ZNRF3: variants seen among roughly 807,000 people sequenced by gnomAD.
ZNRF3 encodes the protein zinc and ring finger 3.
Under a neutral mutation model 72.5 loss-of-function variants are expected in ZNRF3, and 23 were observed. That is an observed-to-expected ratio of 0.32 (90% confidence interval 0.23 to 0.45). The LOEUF (loss-of-function observed/expected upper bound fraction) is 0.45, where lower values mean the gene tolerates loss of function less well. ZNRF3 is among the 20% of genes least tolerant of loss of function. ZNRF3 has a pLI of 1.00. For missense variants in ZNRF3, 1,169 were observed against 1,272.1 expected (o/e 0.92, Z 1.23); for synonymous variants, 610 against 545.3 (o/e 1.12, Z -1.65).
chr22:29,007,312 C>A (rs2036269384), intron 2 of ZNRF3, among the ~76,000 whole-genome samples: 1 of 152,154 alleles, frequency 6.6e-6, no homozygotes, highest in African/African-American at 2.4e-5. Context: ...TACTTGGGAA[C>A]CTAATAAGTG....
intron 2 of ZNRF3, among the ~76,000 whole-genome samples, chr22:29,006,909 A>G (rs555488712): frequency 1.6e-4 from 24 of 152,334 alleles, no homozygotes; most frequent in African/African-American, 5.5e-4. Flanking sequence ...CTGTTAGAAC[A>G]TGCATACACA....
Position 28,987,172 on chromosome 22 carries a change from C to T in ZNRF3, c.397C>T (p.Pro133Ser), listed in dbSNP as rs770212398. The change falls in exon 2 of 9, where the codon CCG becomes TCG. Residue 133 changes from proline (P) to serine (S), a missense_variant. Physicochemically the swap from Pro to Ser is moderately conservative, Grantham distance 74. Coordinates refer to ENST00000544604, the MANE Select transcript of ZNRF3 (RefSeq NM_001206998.2). ...GAAGCTGGAACAGCCAGAATTGGACCCGAAACCATGCCTCACTGTCCTAGG... is the reference window on the plus strand; with the variant it reads ...GAAGCTGGAACAGCCAGAATTGGACTCGAAACCATGCCTCACTGTCCTAGG... Reference protein sequence around the residue: ...VVKLEQPELDPKPCLTVLGKA... With the variant: ...VVKLEQPELDSKPCLTVLGKA... The T allele has an allele frequency of 6.2e-7, 1 of 1,613,708 alleles. No individual in the cohort carries two copies. The highest frequency in any genetic ancestry group is 8.5e-7 in the Non-Finnish European group (1 of 1,179,860).
chr22:29,006,170 T>A (rs1490891430), intron 2 of ZNRF3, among the ~76,000 whole-genome samples: 1 of 151,826 alleles, frequency 6.6e-6, no homozygotes, highest in African/African-American at 2.4e-5. Context: ...AAATTGGACA[T>A]TTCTCCAGTA....
intron 1 of ZNRF3, 42 bp from the exon 2 acceptor site, chr22:28,987,034 G>C (rs1265928540): frequency 6.3e-7 from 1 of 1,589,714 alleles, no homozygotes; most frequent in Admixed American, 1.8e-5. Context: ...AAGCAAATGT[G>C]TAGCTTGCCT....
At chr22:28,929,835 T>G (rs751198002) in intron 1 of ZNRF3, among the ~76,000 whole-genome samples, 25 of 152,232 alleles carry the variant, frequency 1.6e-4, no homozygotes, top group Non-Finnish European at 3.4e-4. Flanking sequence ...AGAATCATCT[T>G]AAGTTTTAAT....
intron 1 of ZNRF3, among the ~76,000 whole-genome samples, chr22:28,980,740 T>C (rs964258183): frequency 1.3e-5 from 2 of 152,216 alleles, no homozygotes; most frequent in African/African-American, 2.4e-5. Flanking sequence ...AGTTCTTCTG[T>C]GAATCTGCCC....
At chr22:28,918,549 TG>T in intron 1 of ZNRF3, among the ~76,000 whole-genome samples, 1 of 104,456 alleles carries the variant, frequency 9.6e-6, no homozygotes, top group Non-Finnish European at 2.1e-5. Flanking sequence ...TGTGTGTGTG[TG>T]TGTGTGTGTG....
chr22:28,986,392 C>T (rs1231172785), intron 1 of ZNRF3, among the ~76,000 whole-genome samples: 1 of 152,184 alleles, frequency 6.6e-6, no homozygotes, highest in African/African-American at 2.4e-5. Flanking sequence ...GGCCTGGTAC[C>T]ACTCAGTGAT....
At chr22:28,947,960 T>G (rs2035083453) in intron 1 of ZNRF3, among the ~76,000 whole-genome samples, 1 of 152,128 alleles carries the variant, frequency 6.6e-6, no homozygotes, top group Non-Finnish European at 1.5e-5. Context: ...TTCTCCTGCC[T>G]CAGCCTACCA....
At position 29,050,345 on chromosome 22, in the gene ZNRF3, G is replaced by A. The variant is rs2123888648; in HGVS notation, c.2164G>A (p.Gly722Arg). 3 of 1,602,880 alleles carry A rather than the reference G, an allele frequency of 1.9e-6. No homozygotes were observed. The highest frequency in any genetic ancestry group is 1.1e-5 in the South Asian group (1 of 90,772). ...CTGCGAGCCCCAGCCCTCCCCAGCC[G>A]GGCCTAGCGCCGGAGCAGCTGGCAG... ...CCCEPQPSPA[G>R]PSAGAAGSST... Residue 722 changes from glycine (G) to arginine (R), a missense_variant, in exon 8 of 9, where the codon GGG (glycine) becomes AGG (arginine). By Grantham distance (125) the Gly-to-Arg change is moderately radical (BLOSUM62 -2). Around this residue, in one of 2 missense-constraint regions of ZNRF3, gnomAD observed 783 missense variants for 731.4 expected, o/e 1.07. Coordinates refer to ENST00000544604, the MANE Select transcript of ZNRF3 (RefSeq NM_001206998.2).
At chr22:28,993,524 T>C (rs1410004475) in intron 2 of ZNRF3, among the ~76,000 whole-genome samples, 1 of 152,192 alleles carries the variant, frequency 6.6e-6, no homozygotes, top group Non-Finnish European at 1.5e-5. Context: ...TCTTGGGAAC[T>C]TCTTTGCAAA....
rs1179279219 is a variant in ZNRF3, at chr22:28,883,716, C to G, written c.-51C>G. 4.1e-6 allele frequency: 4 copies of G among 983,420 alleles called. No individual in the cohort carries two copies. The highest frequency in any genetic ancestry group is 1.8e-5 in the African/African-American group (1 of 56,890). The allele number at this position is 983,420 out of a possible 1,614,324, so 60.9% of individuals were successfully genotyped here. ...GCCCGCGTTCGGTCCTCAGCCGGCC[C>G]GCGACTATGCCCGGCCGCGCCCGCC... On this transcript the variant is annotated 5_prime_UTR_variant, in exon 1 of 9. Transcript: ENST00000544604. The surrounding 1 kb of genome is among the most constrained non-coding windows in gnomAD (Gnocchi z 5.5).
At chr22:29,037,491 G>A (rs186900282) in intron 2 of ZNRF3, among the ~76,000 whole-genome samples, 4 of 152,260 alleles carry the variant, frequency 2.6e-5, no homozygotes, top group Admixed American at 6.5e-5. Context: ...GTAGTAACCC[G>A]AGTATGGTAC....
intron 1 of ZNRF3, among the ~76,000 whole-genome samples, chr22:28,953,976 G>A (rs899110488): frequency 1.3e-5 from 2 of 152,150 alleles, no homozygotes; most frequent in African/African-American, 4.8e-5. Context: ...AAAATGGGGC[G>A]ATTGTGGTTC....
At chr22:28,974,589 T>C (rs2035636687) in intron 1 of ZNRF3, among the ~76,000 whole-genome samples, 1 of 152,248 alleles carries the variant, frequency 6.6e-6, no homozygotes, top group Non-Finnish European at 1.5e-5. Context: ...CTCCAGTCCA[T>C]TAAGTTTGTA....
rs557577403 is a variant in ZNRF3 at position 29,027,394 on chromosome 22, G to A, written c.427-15101G>A. On this transcript the variant is annotated intron_variant, in intron 2 of 8. Coordinates refer to ENST00000544604, the MANE Select transcript of ZNRF3 (RefSeq NM_001206998.2). ...CTCCCGAGTAGTTGGGATTACAGGT[G>A]CCTGCCACCATGCCCAGCTAATTTT... is the stretch of plus-strand genomic sequence containing the variant. Among the ~76,000 whole-genome samples, 3 of 152,192 alleles carry A rather than the reference G, an allele frequency of 2.0e-5. No homozygotes were observed. The East Asian group carries it at 5.8e-4, about 29-fold the overall frequency.
chr22:29,045,362 CA>C (rs59285656), intron 5 of ZNRF3, among the ~76,000 whole-genome samples: 45,824 of 97,838 alleles, frequency 0.47, 7,407 homozygotes, highest in Middle Eastern at 0.52. Context: ...CCCTGTCTCA[CA>C]AAAAAAAAAA....
At chr22:29,032,267 G>C (rs572445820) in intron 2 of ZNRF3, among the ~76,000 whole-genome samples, 1 of 152,262 alleles carries the variant, frequency 6.6e-6, no homozygotes, top group South Asian at 2.1e-4. Flanking sequence ...GCTTTCTTTT[G>C]GTAAAGGTAC....
At chr22:29,021,556 C>T (rs1163502920) in intron 2 of ZNRF3, among the ~76,000 whole-genome samples, 2 of 151,018 alleles carry the variant, frequency 1.3e-5, no homozygotes, top group East Asian at 2.0e-4. Flanking sequence ...GGCGAGATCT[C>T]GGCTCACTGC....
Sources: allele counts gnomAD v4.1 joint callset (sites outside exome capture counted in the v4.1 genomes callset), GRCh38; gene constraint gnomAD v4.1.1; regional missense constraint gnomAD v4.1.1; non-coding constraint Gnocchi (gnomAD v3.1); transcripts MANE v1.5; gene names NCBI Gene and HGNC (gene_info 2026-07-23, HGNC 2026-07-21).